The following CNBD1 variants were observed in gnomAD, a reference collection of about 807,000 sequenced individuals.
CNBD1 encodes cyclic nucleotide binding domain containing 1.
CNBD1 carries 71 observed loss-of-function variants against 54.4 expected under a neutral mutation model. That is an observed-to-expected ratio of 1.30 (90% CI 1.08 to 1.59). CNBD1 has a LOEUF of 1.59. CNBD1 is among the 40% of genes most tolerant of loss of function. The pLI is 0.00. For synonymous variants in CNBD1, 182 were observed against 170.7 expected, an observed-to-expected ratio of 1.07 and a Z score of -0.51; for missense variants, 659 against 518.0, an observed-to-expected ratio of 1.27 and a Z score of -2.64.
Position 87,020,501 on chromosome 8 carries a change from T to A in CNBD1, c.431+80747T>A, listed in dbSNP as rs1268401706. 3.3e-5 allele frequency among the ~76,000 whole-genome samples: 5 copies of A among 151,928 alleles called. No individual in the cohort carries two copies. In the East Asian group the frequency reaches 9.6e-4, roughly 29 times the overall value. ...CTGTGGAAAGCTTTTTGGCCAAGAG[T>A]GGGGACTAAGGACTAAGCTCTTATT... is the stretch of plus-strand genomic sequence containing the variant. On this transcript the variant is annotated intron_variant, in intron 4 of 10. Coordinates refer to ENST00000518476, the MANE Select transcript of CNBD1 (RefSeq NM_173538.3).
intron 4 of CNBD1, among the ~76,000 whole-genome samples, chr8:87,104,692 A>T: frequency 6.6e-6 from 1 of 152,214 alleles, no homozygotes; most frequent in East Asian, 1.9e-4. Context: ...CATAGTAAGA[A>T]CTGAAGAAAA....
intron 4 of CNBD1, among the ~76,000 whole-genome samples, chr8:87,084,482 T>G (rs1811059473): frequency 6.6e-6 from 1 of 152,206 alleles, no homozygotes; most frequent in Admixed American, 6.5e-5. Flanking sequence ...GGTTTTTTTT[T>G]CTTCTGCACT....
chr8:86,944,916 G>T (rs918626274), intron 4 of CNBD1, among the ~76,000 whole-genome samples: 5 of 152,140 alleles, frequency 3.3e-5, no homozygotes, highest in Non-Finnish European at 7.4e-5. Flanking sequence ...TGAAGAATTT[G>T]ATTTTCTCTC....
At chr8:86,948,877 T>G (rs543147481) in intron 4 of CNBD1, among the ~76,000 whole-genome samples, 101 of 152,202 alleles carry the variant, frequency 6.6e-4, no homozygotes, top group Non-Finnish European at 1.2e-3. Context: ...CATAGTAGTT[T>G]CATAGTTTGT....
At chr8:86,917,034 C>A (rs1336422358) in intron 3 of CNBD1, among the ~76,000 whole-genome samples, 4 of 152,012 alleles carry the variant, frequency 2.6e-5, no homozygotes, top group African/African-American at 9.7e-5. Context: ...CCGTGCCCAG[C>A]TAATTTATGT....
At chr8:87,165,967 G>C (rs960662339) in intron 4 of CNBD1, among the ~76,000 whole-genome samples, 2 of 151,802 alleles carry the variant, frequency 1.3e-5, no homozygotes, top group African/African-American at 4.8e-5. Context: ...GCAAAATACA[G>C]TTTCTAGGCA....
intron 4 of CNBD1, among the ~76,000 whole-genome samples, chr8:87,093,449 G>A (rs960681856): frequency 6.6e-6 from 1 of 152,116 alleles, no homozygotes; most frequent in African/African-American, 2.4e-5. Context: ...GGCAGAATTC[G>A]TTCCTACCCA....
rs774736048 is a variant in CNBD1, at chr8:86,905,112, GATA to G, written c.191_193del (p.Asp64_Thr65delinsAla). 8 of 1,611,238 alleles carry G rather than the reference GATA, an allele frequency of 5.0e-6. No individual in the cohort carries two copies. Among genetic ancestry groups the G allele is most frequent in the Non-Finnish European group, 5.9e-6 (7 of 1,178,308 alleles). On this transcript the variant is annotated inframe_deletion, in exon 3 of 11. Coordinates refer to ENST00000518476, the MANE Select transcript of CNBD1 (RefSeq NM_173538.3). ...TATGAGCAATATCTTATCAGCTCAC[GATA>G]CATTTATGAAGCAATATCCTAAAGT... is the stretch of plus-strand genomic sequence containing the variant.
chr8:87,339,405 A>G, intron 8 of CNBD1, among the ~76,000 whole-genome samples: 1 of 152,116 alleles, frequency 6.6e-6, no homozygotes. Context: ...ATTTCAGCTT[A>G]TGGGTTTCTG....
downstream of CNBD1, among the ~76,000 whole-genome samples, chr8:87,386,502 G>A (rs1402712407): frequency 3.9e-5 from 6 of 152,166 alleles, no homozygotes; most frequent in South Asian, 4.1e-4. Context: ...TCAACTGGAA[G>A]AATGGGTATC....
chr8:87,419,639 G>T (rs1195071388), intron 2 of CNBD1, among the ~76,000 whole-genome samples: 5 of 151,850 alleles, frequency 3.3e-5, no homozygotes, highest in Admixed American at 3.3e-4. Context: ...AAAGAGTAAT[G>T]AAATTGATAC....
intron 8 of CNBD1, among the ~76,000 whole-genome samples, chr8:87,299,201 C>A (rs1367260650): frequency 2.0e-5 from 3 of 152,070 alleles, no homozygotes; most frequent in African/African-American, 7.2e-5. Flanking sequence ...CAAGCCAGTT[C>A]TCTATTCCAC....
At chr8:87,260,682 C>G (rs904129319) in intron 6 of CNBD1, among the ~76,000 whole-genome samples, 2 of 151,984 alleles carry the variant, frequency 1.3e-5, no homozygotes, top group African/African-American at 4.8e-5. Flanking sequence ...CCCTAGTGAC[C>G]CAGCTCACCA....
At chr8:87,094,315 C>T (rs1218141470) in intron 4 of CNBD1, among the ~76,000 whole-genome samples, 1 of 151,934 alleles carries the variant, frequency 6.6e-6, no homozygotes, top group East Asian at 1.9e-4. Flanking sequence ...CCAAGCTTGG[C>T]ATAAATATTA....
At chr8:87,256,011 A>ATTT (rs1563526133) in intron 6 of CNBD1, among the ~76,000 whole-genome samples, 10 of 19,252 alleles carry the variant, frequency 5.2e-4, no homozygotes, top group Non-Finnish European at 4.8e-4. Flanking sequence ...ATATATATAT[A>ATTT]TATATTTTTT....
At chr8:87,213,835 C>G (rs1814152466) in intron 5 of CNBD1, among the ~76,000 whole-genome samples, 1 of 152,150 alleles carries the variant, frequency 6.6e-6, no homozygotes, top group African/African-American at 2.4e-5. Flanking sequence ...CAAGGCAAGT[C>G]CCGTCCACCT....
chr8:87,387,407 G>A (rs1811211615), downstream of CNBD1, among the ~76,000 whole-genome samples: 1 of 152,028 alleles, frequency 6.6e-6, no homozygotes, highest in African/African-American at 2.4e-5. Flanking sequence ...AAGGATGGAG[G>A]AAGATCTACC....
intron 8 of CNBD1, among the ~76,000 whole-genome samples, chr8:87,336,082 C>T (rs952478073): frequency 2.0e-5 from 3 of 152,162 alleles, no homozygotes; most frequent in African/African-American, 4.8e-5. Flanking sequence ...GTCTGATAGC[C>T]TTCCCTTTGT....
At chr8:87,085,595 C>T (rs142790304) in intron 4 of CNBD1, among the ~76,000 whole-genome samples, 1 of 152,190 alleles carries the variant, frequency 6.6e-6, no homozygotes, top group African/African-American at 2.4e-5. Flanking sequence ...CTAGTGTTGT[C>T]TTTTACTTAG....
Sources: allele counts gnomAD v4.1 joint callset (sites outside exome capture counted in the v4.1 genomes callset), GRCh38; gene constraint gnomAD v4.1.1; transcripts MANE v1.5; gene names NCBI Gene and HGNC (gene_info 2026-07-23, HGNC 2026-07-21).